Variants in PREX1 observed in about 807,000 individuals in gnomAD.
PREX1 encodes phosphatidylinositol-3,4,5-trisphosphate dependent Rac exchange factor 1.
PREX1 carries 41 observed loss-of-function variants against 198.3 expected under a neutral mutation model. The ratio of observed to expected loss-of-function variants is 0.21; its 90% CI spans 0.16 to 0.27. The LOEUF is 0.27. Ranked by LOEUF, PREX1 falls within the 10% of genes least tolerant of loss-of-function variation. The pLI, the probability that PREX1 is intolerant of heterozygous loss-of-function variation, is 1.00. For missense variants in PREX1, 1,620 were observed against 2,200.7 expected (o/e 0.74, Z 5.28); for synonymous variants, 843 against 887.2 (o/e 0.95, Z 0.89).
intron 11 of PREX1, among the ~76,000 whole-genome samples, chr20:48,680,865 G>A (rs537799155): frequency 4.0e-5 from 6 of 148,252 alleles, no homozygotes; most frequent in African/African-American, 1.5e-4. Flanking sequence ...CAACTACAAG[G>A]TCGGCTCCAT....
intron 1 of PREX1, among the ~76,000 whole-genome samples, chr20:48,763,624 T>TC (rs1313724557): frequency 6.6e-6 from 1 of 151,758 alleles, no homozygotes; most frequent in Non-Finnish European, 1.5e-5. Context: ...GGGCGAGCAG[T>TC]CCCCCCTTAG....
At chr20:48,657,300 G>C in intron 17 of PREX1, 112 bp from the exon 18 acceptor site, 1 of 1,310,570 alleles carries the variant, frequency 7.6e-7, no homozygotes, top group Non-Finnish European at 1.1e-6. Context: ...AAGGGATCCA[G>C]CAGGACTGGG....
intron 16 of PREX1, among the ~76,000 whole-genome samples, chr20:48,659,260 G>C (rs2089570734): frequency 7.0e-6 from 1 of 143,846 alleles, no homozygotes; most frequent in Non-Finnish European, 1.5e-5. Context: ...AAGGAAGGAA[G>C]GACGGGCACG....
chr20:48,875,145 C>T, the PREX1 span, among the ~76,000 whole-genome samples: 142 of 152,250 alleles, frequency 9.3e-4, no homozygotes, highest in Middle Eastern at 3.4e-3. Flanking sequence ...CAGCAGCATC[C>T]GGTGTGACAT....
At chr20:48,714,299 A>G (rs2089951678) in intron 5 of PREX1, among the ~76,000 whole-genome samples, 1 of 152,252 alleles carries the variant, frequency 6.6e-6, no homozygotes, top group Non-Finnish European at 1.5e-5. Flanking sequence ...AAGCCAAAAA[A>G]TAAATAAAAT....
chr20:48,741,588 T>C (rs890151497), intron 3 of PREX1, among the ~76,000 whole-genome samples: 6 of 152,136 alleles, frequency 3.9e-5, no homozygotes, highest in African/African-American at 1.4e-4. Context: ...CCTGTCCTCA[T>C]GTTGTTTATA....
chr20:48,730,037 ATT>A (rs2090027916), intron 4 of PREX1, among the ~76,000 whole-genome samples: 1 of 152,096 alleles, frequency 6.6e-6, no homozygotes, highest in Admixed American at 6.5e-5. Context: ...CCGCTGGAAG[ATT>A]AAAGAGGAAA....
the PREX1 span, among the ~76,000 whole-genome samples, chr20:48,883,423 A>G: frequency 6.6e-6 from 1 of 152,104 alleles, no homozygotes; most frequent in Non-Finnish European, 1.5e-5. Flanking sequence ...AAGGGGGAAA[A>G]GGCATCCAGT....
chr20:48,759,823 G>C (rs543906818), intron 1 of PREX1, among the ~76,000 whole-genome samples: 1 of 152,038 alleles, frequency 6.6e-6, no homozygotes, highest in African/African-American at 2.4e-5. Context: ...TATTGGCCAG[G>C]CTCACACCTG....
At chr20:48,641,783 C>T in intron 29 of PREX1, among the ~76,000 whole-genome samples, 1 of 148,172 alleles carries the variant, frequency 6.7e-6, no homozygotes, top group Admixed American at 6.8e-5. Flanking sequence ...TAGAGTGAGA[C>T]CCTTTCTCCA....
chr20:48,652,853 A>G, intron 20 of PREX1, 147 bp from the exon 21 acceptor site: 1 of 989,014 alleles, frequency 1.0e-6, no homozygotes. Context: ...TGCACAGTCT[A>G]TGCTCCATAC....
At position 48,791,559 on chromosome 20, in the gene PREX1, C is replaced by T. The variant is rs544648926; in HGVS notation, c.219+36083G>A. 9.2e-5 allele frequency among the ~76,000 whole-genome samples: 14 copies of T among 152,272 alleles called. No individual in the cohort carries two copies. In the South Asian group the frequency reaches 2.7e-3, roughly 29 times the overall value. ...GGAGGAATCCCAAGATGACCAGCTGCCATGGGGGTCCTCAACAAGCCCACC... is the reference window on the plus strand; with the variant it reads ...GGAGGAATCCCAAGATGACCAGCTGTCATGGGGGTCCTCAACAAGCCCACC... On this transcript the variant is annotated intron_variant, in intron 1 of 39. Coordinates refer to ENST00000371941, the MANE Select transcript of PREX1 (RefSeq NM_020820.4).
chr20:48,718,515 A>C (rs2089972056), intron 5 of PREX1, among the ~76,000 whole-genome samples: 1 of 152,280 alleles, frequency 6.6e-6, no homozygotes, highest in South Asian at 2.1e-4. Flanking sequence ...GAAATCAAAA[A>C]GAAGGACGGC....
intron 1 of PREX1, among the ~76,000 whole-genome samples, chr20:48,794,036 C>T (rs559151767): frequency 1.1e-3 from 168 of 152,312 alleles, no homozygotes; most frequent in Non-Finnish European, 2.1e-3. Context: ...AGGATCCCCT[C>T]ACTCACTAGA....
intron 6 of PREX1, among the ~76,000 whole-genome samples, chr20:48,701,354 A>G (rs2089872965): frequency 6.6e-6 from 1 of 152,100 alleles, no homozygotes; most frequent in Non-Finnish European, 1.5e-5. Context: ...CTGGGATTAC[A>G]GGCATGCGCC....
chr20:48,728,198 T>TG (rs1314758322), intron 4 of PREX1, among the ~76,000 whole-genome samples: 1 of 152,316 alleles, frequency 6.6e-6, no homozygotes, highest in African/African-American at 2.4e-5. Flanking sequence ...TTCCAAGCAC[T>TG]GGGGGGCTGC....
chr20:48,692,832 C>T (rs2089826459), intron 7 of PREX1, 42 bp from the exon 8 acceptor site: 1 of 1,520,522 alleles, frequency 6.6e-7, no homozygotes, highest in Non-Finnish European at 9.1e-7. Context: ...CACGTCACCT[C>T]CCAGATGCAA....
chr20:48,837,791 A>G, the PREX1 span, among the ~76,000 whole-genome samples: 12 of 152,228 alleles, frequency 7.9e-5, no homozygotes, highest in African/African-American at 2.9e-4. Context: ...CTGTATAACA[A>G]ACCTGCACAG....
the PREX1 span, among the ~76,000 whole-genome samples, chr20:48,845,693 C>A: frequency 1.5e-5 from 2 of 137,798 alleles, no homozygotes; most frequent in African/African-American, 2.7e-5. Flanking sequence ...CAAAGCAAGA[C>A]CTTGTTTCCA....
Sources: allele counts gnomAD v4.1 joint callset (sites outside exome capture counted in the v4.1 genomes callset), GRCh38; gene constraint gnomAD v4.1.1; transcripts MANE v1.5; gene names NCBI Gene and HGNC (gene_info 2026-07-23, HGNC 2026-07-21).